Variants in CSE1L observed in about 807,000 individuals in gnomAD.
The protein encoded by CSE1L is chromosome segregation 1 like, also known as exportin-2.
A neutral mutation model predicts 120.4 loss-of-function variants in CSE1L; 24 were observed. That is an observed-to-expected ratio of 0.20 (90% CI 0.14 to 0.28). The LOEUF (loss-of-function observed/expected upper bound fraction) is 0.28. CSE1L is among the 10% of genes least tolerant of loss of function. The pLI is 1.00. For synonymous variants in CSE1L, 402 were observed against 398.3 expected, an observed-to-expected ratio of 1.01 and a Z score of -0.11; for missense variants, 830 against 1,145.2, an observed-to-expected ratio of 0.72 and a Z score of 3.97.
At chr20:49,083,966 G>C (rs867351375) in intron 14 of CSE1L, 60 bp from the exon 15 acceptor site, 6 of 1,507,338 alleles carry the variant, frequency 4.0e-6, no homozygotes, top group Middle Eastern at 4.2e-4. Context: ...TCTTCCAATT[G>C]TCTTTTACTC....
At chr20:49,064,608 G>T (rs1026906113) in intron 3 of CSE1L, among the ~76,000 whole-genome samples, 70 of 152,108 alleles carry the variant, frequency 4.6e-4, no homozygotes, top group African/African-American at 1.6e-3. Flanking sequence ...AGCCATTAGG[G>T]AGGCTGAGAT....
intron 14 of CSE1L, among the ~76,000 whole-genome samples, chr20:49,079,508 G>C (rs1480447536): frequency 6.6e-6 from 1 of 152,054 alleles, no homozygotes; most frequent in Admixed American, 6.6e-5. Flanking sequence ...GATTACAGCT[G>C]TGAGCCACTG....
chr20:49,070,921 G>T (rs2091927030), intron 8 of CSE1L, among the ~76,000 whole-genome samples: 1 of 152,204 alleles, frequency 6.6e-6, no homozygotes, highest in South Asian at 2.1e-4. Flanking sequence ...CAGCCTGGGA[G>T]ACAGAGGGAG....
chr20:49,076,244 A>G (rs532605523), intron 12 of CSE1L, among the ~76,000 whole-genome samples: 4 of 152,050 alleles, frequency 2.6e-5, no homozygotes, highest in Non-Finnish European at 5.9e-5. Flanking sequence ...CTGGAGTGCA[A>G]TGGCACGATC....
At chr20:49,092,877 G>A (rs1035838915) in intron 22 of CSE1L, among the ~76,000 whole-genome samples, 2 of 150,762 alleles carry the variant, frequency 1.3e-5, no homozygotes, top group Non-Finnish European at 2.9e-5. Context: ...AATCCATATC[G>A]TTCCAATTTT....
At chr20:49,047,191 C>T (rs1453107757) in intron 1 of CSE1L, among the ~76,000 whole-genome samples, 1 of 152,090 alleles carries the variant, frequency 6.6e-6, no homozygotes, top group Non-Finnish European at 1.5e-5. Context: ...AGGGGTGTAA[C>T]TTGAGGCTGG....
intron 2 of CSE1L, among the ~76,000 whole-genome samples, chr20:49,061,405 C>A (rs2091851764): frequency 6.6e-6 from 1 of 151,568 alleles, no homozygotes; most frequent in Admixed American, 6.6e-5. Context: ...ATCTCCTGAC[C>A]TCGTGATCCA....
intron 13 of CSE1L, 89 bp downstream of exon 13, chr20:49,077,153 C>CTTTTTTTTTTTTTTTTTT (rs11439721): frequency 7.9e-6 from 3 of 380,898 alleles, no homozygotes; most frequent in Non-Finnish European, 1.3e-5. Context: ...CCCTTTTGTT[C>CTTTTTTTTTTTTTTTTTT]TTTTTTTTTT....
chr20:49,051,904 C>T (rs1288097288), intron 1 of CSE1L, among the ~76,000 whole-genome samples: 1 of 152,176 alleles, frequency 6.6e-6, no homozygotes, highest in African/African-American at 2.4e-5. Context: ...CTATGTTGCC[C>T]ACGCTGGTCT....
In CSE1L at chr20:49,094,236, A is replaced by G; in HGVS notation, c.2544A>G (p.Lys848=). 3 of 1,613,094 alleles carry G rather than the reference A, an allele frequency of 1.9e-6. No individual in the cohort carries two copies. The highest frequency in any genetic ancestry group is 2.5e-6 in the Non-Finnish European group (3 of 1,179,474). The change falls in exon 23 of 25, where the codon AAA becomes AAG. Residue 848 remains lysine, a synonymous_variant. Coordinates refer to ENST00000262982, the MANE Select transcript of CSE1L (RefSeq NM_001316.4). ...EKKICAVGIT[K]LLTECPPMMD... ...AGATCTGTGCGGTTGGCATAACCAAATTACTAACAGAATGTCCCCCAATGA... is the reference window on the plus strand; with the variant it reads ...AGATCTGTGCGGTTGGCATAACCAAGTTACTAACAGAATGTCCCCCAATGA...
At chr20:49,059,375 C>G (rs1053913296) in intron 2 of CSE1L, among the ~76,000 whole-genome samples, 1 of 151,722 alleles carries the variant, frequency 6.6e-6, no homozygotes, top group Non-Finnish European at 1.5e-5. Flanking sequence ...GTTCACAGGA[C>G]TCAGCTGTTA....
rs140389610 is a variant in CSE1L at position 49,067,472 on chromosome 20, A to G, written c.567+192A>G. On this transcript the variant is annotated intron_variant, in intron 6 of 24. Coordinates refer to ENST00000262982, the MANE Select transcript of CSE1L (RefSeq NM_001316.4). ...TCCCATCTATTATTACACAAATTTAATGGTTAGCAACGTTTTATTTTCTCT... is the reference window on the plus strand; with the variant it reads ...TCCCATCTATTATTACACAAATTTAGTGGTTAGCAACGTTTTATTTTCTCT... Among the ~76,000 whole-genome samples the G allele has an allele frequency of 5.3e-5, 8 of 152,320 alleles. 1 individual carries two copies. The highest frequency in any genetic ancestry group is 1.9e-4 in the African/African-American group (8 of 41,578).
intron 22 of CSE1L, among the ~76,000 whole-genome samples, chr20:49,093,338 G>A (rs911515212): frequency 6.6e-6 from 1 of 152,098 alleles, no homozygotes; most frequent in Non-Finnish European, 1.5e-5. Context: ...TTCTATTAAC[G>A]CATAAACTGA....
At chr20:49,087,925 A>G in intron 16 of CSE1L, 84 bp from the exon 17 acceptor site, 1 of 803,702 alleles carries the variant, frequency 1.2e-6, no homozygotes, top group South Asian at 1.7e-5. Context: ...TTGATGAATT[A>G]GTGCGCTTTT....
At chr20:49,059,146 C>T (rs1302326153) in intron 2 of CSE1L, among the ~76,000 whole-genome samples, 2 of 149,626 alleles carry the variant, frequency 1.3e-5, no homozygotes, top group Non-Finnish European at 3.0e-5. Flanking sequence ...AAAAAAAAAG[C>T]CTGCTTTAGA....
intron 3 of CSE1L, among the ~76,000 whole-genome samples, chr20:49,065,313 ATTTTT>A (rs376073464): frequency 2.5e-4 from 13 of 52,114 alleles, no homozygotes; most frequent in East Asian, 2.0e-3. Flanking sequence ...TGAAAAAAAA[ATTTTT>A]TTTTTTTTTT....
chr20:49,088,158 G>GTCTC (rs2092074414), intron 17 of CSE1L, 52 bp downstream of exon 17: 1 of 1,250,606 alleles, frequency 8.0e-7, no homozygotes, highest in Non-Finnish European at 1.2e-6. Context: ...GCTCCAAACT[G>GTCTC]TTTGGGCCTC....
At chr20:49,081,089 T>G (rs2092009600) in intron 14 of CSE1L, among the ~76,000 whole-genome samples, 1 of 151,722 alleles carries the variant, frequency 6.6e-6, no homozygotes, top group Non-Finnish European at 1.5e-5. Context: ...GTTCAAGTGA[T>G]TCTCTTGCCT....
chr20:49,062,544 T>G (rs1882814297), intron 2 of CSE1L, among the ~76,000 whole-genome samples: 1 of 151,888 alleles, frequency 6.6e-6, no homozygotes, highest in Non-Finnish European at 1.5e-5. Context: ...GTTTTTAGGT[T>G]TTTTTTTAGT....
Sources: gnomAD v4.1 joint callset for allele counts (sites outside exome capture counted in the v4.1 genomes callset) on GRCh38, gnomAD v4.1.1 for gene constraint, MANE v1.5 for transcripts, NCBI Gene and HGNC (gene_info 2026-07-23, HGNC 2026-07-21) for gene names.